The following COQ8A variants were observed in gnomAD, a reference collection of about 807,000 sequenced individuals.
COQ8A encodes the protein coenzyme Q8A.
COQ8A carries 51 observed loss-of-function variants against 65.0 expected under a neutral mutation model. The observed-to-expected ratio is 0.78, with a 90% CI of 0.63 to 0.99. COQ8A has a LOEUF of 0.99. COQ8A is among the 50% of genes least tolerant of loss of function. COQ8A has a pLI of 0.00. For missense variants in COQ8A, 940 were observed against 875.0 expected (o/e 1.07, Z -0.94); for synonymous variants, 371 against 353.2 (o/e 1.05, Z -0.57).
chr1:226,984,803 C>A (rs1021965508), intron 12 of COQ8A, 73 bp from the exon 13 acceptor site: 1 of 1,550,546 alleles, frequency 6.4e-7, no homozygotes, highest in Non-Finnish European at 8.9e-7. Flanking sequence ...CTCTGTTGCA[C>A]CCCCTTCCCG....
intron 8 of COQ8A, 173 bp downstream of exon 8, chr1:226,983,207 A>G: frequency 9.3e-7 from 1 of 1,070,232 alleles, no homozygotes; most frequent in Non-Finnish European, 1.3e-6. Flanking sequence ...AAGCTTGGGA[A>G]GTATTTGCTA....
intron 4 of COQ8A, among the ~76,000 whole-genome samples, chr1:226,973,631 T>C (rs1432870731): frequency 2.6e-5 from 4 of 152,344 alleles, no homozygotes; most frequent in African/African-American, 9.6e-5. Context: ...CTTCCTGCCA[T>C]GCTGGGGGCT....
chr1:226,945,790 C>CGG (rs1040573250), intron 1 of COQ8A, among the ~76,000 whole-genome samples: 1 of 152,186 alleles, frequency 6.6e-6, no homozygotes, highest in South Asian at 2.1e-4. Context: ...TAGACAGGGA[C>CGG]GGGGGTGACG....
rs765126911 is a variant in COQ8A at position 226,977,550 on chromosome 1, G to A, written c.730+27G>A. 7.8e-6 allele frequency: 12 copies of A among 1,548,170 alleles called. No individual in the cohort carries two copies. In the Admixed American group the frequency reaches 2.4e-4, roughly 30 times the overall value. ...TGAGCCGGGCCCTTCAGTGGGAGGG[G>A]CAGGGTGGGCCCCGGGAGGGTTGAG... On this transcript the variant is annotated intron_variant, in intron 5 of 14. Transcript: ENST00000366777.
At position 226,987,001 on chromosome 1, in the gene COQ8A, G is replaced by A. The variant is rs1387696865; in HGVS notation, c.*264G>A. On this transcript the variant is annotated 3_prime_UTR_variant, in exon 15 of 15. Coordinates refer to ENST00000366777, the MANE Select transcript of COQ8A (RefSeq NM_020247.5). ...CTGAAATAAGCAGATGAAGATGAAA[G>A]GGCAACTTTGTTTTCTTCTTTTTCC... The A allele has an allele frequency of 3.7e-6, 2 of 544,950 alleles. No individual in the cohort carries two copies. Among genetic ancestry groups the A allele is most frequent in the East Asian group, 6.4e-5 (2 of 31,482 alleles). The allele number at this position is 544,950 out of a possible 1,614,324, so 33.8% of individuals were successfully genotyped here.
chr1:226,962,796 C>T (rs568864335), intron 2 of COQ8A, among the ~76,000 whole-genome samples: 2 of 152,354 alleles, frequency 1.3e-5, no homozygotes, highest in East Asian at 1.9e-4. Flanking sequence ...TGCTCTCCCC[C>T]GAGCCTCACC....
chr1:226,980,619 G>A (rs1332471630), intron 5 of COQ8A, among the ~76,000 whole-genome samples: 1 of 152,170 alleles, frequency 6.6e-6, no homozygotes, highest in Non-Finnish European at 1.5e-5. Context: ...GACCCTTCTG[G>A]GCCCAGCCCT....
intron 4 of COQ8A, among the ~76,000 whole-genome samples, chr1:226,970,286 A>C (rs1390717528): frequency 6.6e-6 from 1 of 152,202 alleles, no homozygotes; most frequent in African/African-American, 2.4e-5. Context: ...TCAGTCCGAG[A>C]AATGTGTCGT....
At chr1:226,984,486 A>G in intron 11 of COQ8A, 62 bp from the exon 12 acceptor site, 1 of 1,445,320 alleles carries the variant, frequency 6.9e-7, no homozygotes. Flanking sequence ...CTCTGGCCCC[A>G]GTCTCCCAGG....
rs1168721106 is a variant in COQ8A at position 226,963,541 on chromosome 1, A to G, written c.178-1459A>G. ...ATGGGGCAGAAGGAGGGCCCTGCCCAGGCTCCCTCACTGTCAAGCCTTCCC... is the reference window on the plus strand; with the variant it reads ...ATGGGGCAGAAGGAGGGCCCTGCCCGGGCTCCCTCACTGTCAAGCCTTCCC... On this transcript the variant is annotated intron_variant, in intron 2 of 14. Coordinates refer to ENST00000366777, the MANE Select transcript of COQ8A (RefSeq NM_020247.5). 2.6e-5 allele frequency among the ~76,000 whole-genome samples: 4 copies of G among 152,248 alleles called. No homozygotes were observed. In the East Asian group the frequency reaches 7.7e-4, roughly 29 times the overall value.
In COQ8A at chr1:226,965,367, G is replaced by A. The variant is rs374860701; in HGVS notation, c.545G>A (p.Arg182Gln). The A allele has an allele frequency of 4.0e-5, 65 of 1,611,952 alleles. No individual in the cohort carries two copies. The East Asian group carries it at 6.9e-4, about 17-fold the overall frequency. ...ACAGCCGAGGACATTGAGAAGGCCC[G>A]GCAGGCTAAGGCTCGCCCCGAGAAC... Reference protein sequence around the residue: ...GLTAEDIEKARQAKARPENKQ... With the variant: ...GLTAEDIEKAQQAKARPENKQ... The change falls in exon 3 of 15, where the codon CGG becomes CAG. Residue 182 changes from arginine to glutamine, a missense_variant. Physicochemically the swap from Arg to Gln is conservative, Grantham distance 43 (BLOSUM62 1). Transcript: ENST00000366777.
At chr1:226,961,278 C>T in intron 1 of COQ8A, 99 bp from the exon 2 acceptor site, 1 of 1,326,708 alleles carries the variant, frequency 7.5e-7, no homozygotes, top group East Asian at 2.3e-5. Flanking sequence ...AAAAACCAGC[C>T]CTCTGGACCT....
rs1167399605 is a variant in COQ8A at position 226,941,532 on chromosome 1, C to G, written c.-10+1133C>G. Among the ~76,000 whole-genome samples, 3 of 151,914 alleles carry G rather than the reference C, an allele frequency of 2.0e-5. No individual in the cohort carries two copies. In the East Asian group the frequency reaches 5.8e-4, roughly 29 times the overall value. ...CTGTAATCCCAGCACTTTGGGAGTC[C>G]GAGGCGGGTGGATCACCGTAGGTCA... On this transcript the variant is annotated intron_variant, in intron 1 of 14. Coordinates refer to ENST00000366777, the MANE Select transcript of COQ8A (RefSeq NM_020247.5).
intron 4 of COQ8A, among the ~76,000 whole-genome samples, chr1:226,974,480 T>TG (rs1227714133): frequency 2.0e-5 from 3 of 152,142 alleles, no homozygotes; most frequent in Admixed American, 2.0e-4. Flanking sequence ...CTGAGGGCTG[T>TG]GGGGGTGCCG....
rs551516142 is a variant in COQ8A at position 226,949,203 on chromosome 1, G to A, written c.-10+8804G>A. On this transcript the variant is annotated intron_variant, in intron 1 of 14. Transcript: ENST00000366777. This position sits in a 1 kb window ranked among gnomAD's most constrained non-coding sequence, Gnocchi z 4.0. ...CATGGCTCGCGCGTAGCTGGAGGCT[G>A]GAAAGGAGGCCGGGGGCCTGATTTC... Among the ~76,000 whole-genome samples, 3 of 152,016 alleles carry A rather than the reference G, an allele frequency of 2.0e-5. No individual in the cohort carries two copies. Among genetic ancestry groups the A allele is most frequent in the Non-Finnish European group, 2.9e-5 (2 of 67,992 alleles).
intron 1 of COQ8A, among the ~76,000 whole-genome samples, chr1:226,944,884 G>A (rs766965292): frequency 1.4e-4 from 22 of 152,162 alleles, no homozygotes; most frequent in Non-Finnish European, 2.8e-4. Flanking sequence ...CCTCTGCACC[G>A]TCCACTGGAA....
In COQ8A at chr1:226,964,460, C is replaced by T. The variant is rs375755783; in HGVS notation, c.178-540C>T. ...TCCCTGTACCCTGAGCTCTTAGGGA[C>T]GGCCAGGCCTGGTCCTGGTTGTAAC... On this transcript the variant is annotated intron_variant, in intron 2 of 14. Transcript: ENST00000366777. Among the ~76,000 whole-genome samples the T allele has an allele frequency of 5.3e-5, 8 of 152,312 alleles. No individual in the cohort carries two copies. The South Asian group carries it at 1.0e-3, about 20-fold the overall frequency.
chr1:226,960,609 G>A (rs1211779173), intron 1 of COQ8A, among the ~76,000 whole-genome samples: 6 of 116,850 alleles, frequency 5.1e-5, no homozygotes, highest in South Asian at 2.8e-4. Flanking sequence ...CGGCAGTGGC[G>A]GTGGTGATGG....
chr1:226,950,320 C>T (rs1657300577), intron 1 of COQ8A, among the ~76,000 whole-genome samples: 1 of 152,228 alleles, frequency 6.6e-6, no homozygotes, highest in Admixed American at 6.5e-5. Flanking sequence ...GGGCAACTCA[C>T]CCAGGGAATC....
Sources: allele counts gnomAD v4.1 joint callset (sites outside exome capture counted in the v4.1 genomes callset), GRCh38; gene constraint gnomAD v4.1.1; non-coding constraint Gnocchi (gnomAD v3.1); transcripts MANE v1.5; gene names NCBI Gene and HGNC (gene_info 2026-07-23, HGNC 2026-07-21).